The following DAB2IP variants were observed in gnomAD, a reference collection of about 807,000 sequenced individuals.
The protein encoded by DAB2IP is disabled homolog 2-interacting protein.
DAB2IP carries 28 observed loss-of-function variants against 107.2 expected under a neutral mutation model. The observed-to-expected ratio is 0.26, with a 90% CI of 0.19 to 0.36. The LOEUF is 0.36. DAB2IP is among the 10% of genes least tolerant of loss of function. The probability of loss-of-function intolerance (pLI) is 1.00; values close to 1 mark genes in which losing one functional copy is unlikely to be tolerated. For missense variants in DAB2IP, 1,400 were observed against 1,644.7 expected, an observed-to-expected ratio of 0.85 and a Z score of 2.57; for synonymous variants, 755 against 706.4, an observed-to-expected ratio of 1.07 and a Z score of -1.09.
intron 3 of DAB2IP, among the ~76,000 whole-genome samples, chr9:121,725,691 G>A (rs964264500): frequency 6.6e-6 from 1 of 152,186 alleles, no homozygotes; most frequent in African/African-American, 2.4e-5. Flanking sequence ...GTTGGTGGTT[G>A]GGCCACAGGG....
chr9:121,641,992 C>CTTTTCTCTCTCT (rs1346700067), intron 1 of DAB2IP, among the ~76,000 whole-genome samples: 1 of 29,326 alleles, frequency 3.4e-5, no homozygotes, highest in Admixed American at 4.8e-4. Flanking sequence ...TTCTTTCTTT[C>CTTTTCTCTCTCT]CTTTCTCTCT....
intron 8 of DAB2IP, 98 bp from the exon 9 acceptor site, chr9:121,766,396 G>A (rs1587985247): frequency 8.8e-7 from 1 of 1,133,422 alleles, no homozygotes; most frequent in South Asian, 1.4e-5. Context: ...GCAGCTGGCG[G>A]GGTAGAGCCA....
intron 10 of DAB2IP, among the ~76,000 whole-genome samples, 153 bp from the exon 11 acceptor site, chr9:121,770,393 C>G (rs1015806251): frequency 6.6e-6 from 1 of 152,216 alleles, no homozygotes; most frequent in African/African-American, 2.4e-5. Context: ...GGGCTCACCC[C>G]CCTCCCAGAC....
rs575554407 is a variant in DAB2IP, at chr9:121,642,972, G to A, written c.41-35706G>A. On this transcript the variant is annotated intron_variant, in intron 1 of 16. Transcript: ENST00000259371. ...GGAGCTGTCCATCTGAAGATCTGGGGTTTGTGGGAATGAGGCAGCAGGAAC... is the reference window on the plus strand; with the variant it reads ...GGAGCTGTCCATCTGAAGATCTGGGATTTGTGGGAATGAGGCAGCAGGAAC... Among the ~76,000 whole-genome samples, 89 of 152,182 alleles carry A rather than the reference G, an allele frequency of 5.8e-4. 1 individual carries two copies. Among genetic ancestry groups the A allele is most frequent in the Admixed American group, 2.1e-3 (32 of 15,276 alleles).
rs76728298 is a variant in DAB2IP, at chr9:121,738,299, C to T, written c.363-18714C>T. Among the ~76,000 whole-genome samples, 1,159 of 152,302 alleles carry T rather than the reference C, an allele frequency of 7.6e-3. 8 individuals are homozygous for T. The highest frequency in any genetic ancestry group is 0.022 in the African/African-American group (931 of 41,552). ...CCCCTGTGCCCTCGCGCTCTCCCAG[C>T]CCTGCCTCTCTGAGACAGATTTAAT... On this transcript the variant is annotated intron_variant, in intron 3 of 15. Transcript: ENST00000408936.
chr9:121,750,327 G>GCA (rs1833021441), intron 3 of DAB2IP, among the ~76,000 whole-genome samples: 1 of 152,010 alleles, frequency 6.6e-6, no homozygotes, highest in African/African-American at 2.4e-5. Flanking sequence ...GTGTGCGCGC[G>GCA]CGCGTGTGTG....
chr9:121,749,069 C>T (rs549443651), intron 3 of DAB2IP, among the ~76,000 whole-genome samples: 1 of 152,310 alleles, frequency 6.6e-6, no homozygotes, highest in South Asian at 2.1e-4. Flanking sequence ...AACCTTTCTG[C>T]CTTTTTAGGA....
At chr9:121,627,830 T>C (rs569362114) in intron 1 of DAB2IP, among the ~76,000 whole-genome samples, 14 of 152,366 alleles carry the variant, frequency 9.2e-5, no homozygotes, top group African/African-American at 2.4e-4. Context: ...CTTGCTTCTT[T>C]CGTTCAGTAA....
rs1429460570 is a variant in DAB2IP at position 121,698,946 on chromosome 9, C to A, written c.229-379C>A. 6.6e-6 allele frequency among the ~76,000 whole-genome samples: 1 copy of A among 151,876 alleles called. No individual in the cohort carries two copies. The stretch of plus-strand genomic sequence containing the variant: ...AGGTGAGCGGGGCGGCCGGCCCTGG[C>A]GGTCCCCGGGGGTCTCCGCCCCTCC... On this transcript the variant is annotated intron_variant, in intron 2 of 15. Transcript: ENST00000408936. The surrounding 1 kb of genome is among the most constrained non-coding windows in gnomAD (Gnocchi z 4.1).
rs528248853 is a variant in DAB2IP at position 121,639,343 on chromosome 9, T to C, written c.41-39335T>C. On this transcript the variant is annotated intron_variant, in intron 1 of 16. Coordinates refer to the DAB2IP transcript ENST00000259371. Reference sequence around the variant, plus strand: ...TCTCCCTGTGCTAGCAGTGTGCAGCTCCCGAGGGTGGTCAGAGCACAGCGG... The same window carrying C: ...TCTCCCTGTGCTAGCAGTGTGCAGCCCCCGAGGGTGGTCAGAGCACAGCGG... 2.0e-3 allele frequency among the ~76,000 whole-genome samples: 299 copies of C among 152,310 alleles called. 2 individuals are homozygous for C. Among genetic ancestry groups the C allele is most frequent in the African/African-American group, 6.3e-3 (261 of 41,568 alleles).
intron 4 of DAB2IP, 33 bp downstream of exon 4, chr9:121,757,199 C>T: frequency 1.2e-6 from 2 of 1,605,108 alleles, no homozygotes; most frequent in Non-Finnish European, 1.7e-6. Context: ...GGGTGGACAC[C>T]CCATCCTCTC....
Position 121,772,968 on chromosome 9 carries a change from G to A in DAB2IP, c.2440G>A (p.Glu814Lys), listed in dbSNP as rs1399438813. 6 of 1,595,796 alleles carry A rather than the reference G, an allele frequency of 3.8e-6. No homozygotes were observed. The highest frequency in any genetic ancestry group is 1.7e-5 in the Admixed American group (1 of 59,264). ...GACACCAACCACACCAGGCACCTCC[G>A]AGGGCGCGCCAGGCCGGCCCCAGCT... The change falls in exon 12 of 16, where the codon GAG (glutamate) becomes AAG (lysine). Residue 814 changes from glutamate to lysine, a missense_variant. Around this residue, in one of 3 missense-constraint regions of DAB2IP, gnomAD observed 600 missense variants for 659.1 expected, o/e 0.91. Transcript: ENST00000408936. This position sits in a 1 kb window ranked among gnomAD's most constrained non-coding sequence, Gnocchi z 4.7.
chr9:121,759,063 A>G, intron 5 of DAB2IP, 67 bp downstream of exon 5: 2 of 1,487,608 alleles, frequency 1.3e-6, no homozygotes, highest in Non-Finnish European at 1.8e-6. Flanking sequence ...AGGAAACAAG[A>G]GAGACTATCT....
chr9:121,678,981 G>A (rs1020914386), intron 2 of DAB2IP, 200 bp downstream of exon 2: 7 of 481,994 alleles, frequency 1.5e-5, no homozygotes, highest in African/African-American at 1.0e-4. Context: ...GCCACATGGG[G>A]GGTCCCATCC....
At chr9:121,593,311 A>T (rs1180900388) in intron 1 of DAB2IP, among the ~76,000 whole-genome samples, 1 of 152,178 alleles carries the variant, frequency 6.6e-6, no homozygotes, top group African/African-American at 2.4e-5. Flanking sequence ...TTTGTTGTCC[A>T]GGCTAGAGTG....
intron 1 of DAB2IP, among the ~76,000 whole-genome samples, chr9:121,627,072 T>G (rs369146468): frequency 7.2e-4 from 109 of 151,550 alleles, no homozygotes; most frequent in African/African-American, 2.6e-3. Context: ...AAAAATAAAA[T>G]CAAATATTAT....
chr9:121,768,394 TG>T, intron 9 of DAB2IP, 37 bp from the exon 10 acceptor site: 2 of 1,609,866 alleles, frequency 1.2e-6, no homozygotes, highest in Non-Finnish European at 1.7e-6. Flanking sequence ...AGGGCCTGCC[TG>T]GGCCCAGTAG....
chr9:121,714,019 C>T (rs1830466298), intron 3 of DAB2IP, among the ~76,000 whole-genome samples: 1 of 152,174 alleles, frequency 6.6e-6, no homozygotes, highest in African/African-American at 2.4e-5. Context: ...TGGTGCCTAC[C>T]TCCCAGGGTT....
intron 3 of DAB2IP, among the ~76,000 whole-genome samples, chr9:121,735,653 C>T (rs1226618327): frequency 1.3e-5 from 2 of 152,138 alleles, no homozygotes; most frequent in East Asian, 1.9e-4. Context: ...TTCCTGGCCT[C>T]AGCTGGATTA....
Sources: gnomAD v4.1 joint callset for allele counts (sites outside exome capture counted in the v4.1 genomes callset) on GRCh38, gnomAD v4.1.1 for gene constraint, gnomAD v4.1.1 regional missense constraint, Gnocchi (gnomAD v3.1) non-coding constraint, MANE v1.5 for transcripts, NCBI Gene and HGNC (gene_info 2026-07-23, HGNC 2026-07-21) for gene names.